PRKDC: variants seen among roughly 807,000 people sequenced by gnomAD.
PRKDC encodes protein kinase, DNA-activated, catalytic subunit, also known as DNA-dependent protein kinase catalytic subunit.
A neutral mutation model predicts 486.9 loss-of-function variants in PRKDC; 82 were observed. The observed-to-expected ratio is 0.17, with a 90% CI of 0.14 to 0.20. PRKDC has a LOEUF of 0.20. PRKDC is among the 10% of genes least tolerant of loss of function. PRKDC has a pLI of 1.00. For synonymous variants in PRKDC, 1,895 were observed against 1,837.0 expected (o/e 1.03, Z -0.81); for missense variants, 4,504 against 5,038.2 (o/e 0.89, Z 3.21).
At chr8:47,942,896 G>A (rs922401173) in intron 10 of PRKDC, among the ~76,000 whole-genome samples, 1 of 152,110 alleles carries the variant, frequency 6.6e-6, no homozygotes, top group South Asian at 2.1e-4. Flanking sequence ...AGGAGAGATG[G>A]GGCTCCCCTC....
chr8:47,866,332 T>C (rs1290815619), intron 40 of PRKDC, among the ~76,000 whole-genome samples: 1 of 152,110 alleles, frequency 6.6e-6, no homozygotes, highest in African/African-American at 2.4e-5. Context: ...AGAAATACTT[T>C]TCTGTTGTTT....
chr8:47,882,034 G>T lies in PRKDC; in HGVS notation c.4840C>A (p.Gln1614Lys). 1 of 1,613,950 alleles carries T rather than the reference G, an allele frequency of 6.2e-7. No individual in the cohort carries two copies. The change falls in exon 37 of 86, where the codon CAA becomes AAA. Residue 1614 changes from glutamine to lysine, a missense_variant. By Grantham distance (53) the Gln-to-Lys change is moderately conservative (BLOSUM62 1). This residue lies in a region of PRKDC where 1,969 missense variants were observed against 2,068.9 expected (regional missense o/e 0.95). Transcript: ENST00000314191. ...ATTGTAGTCGCAAGTTTCAGTCCTT[G>T]GTGTTTCTGGTTTGCTCGCTCCCTG... is the stretch of plus-strand genomic sequence containing the variant. ...SFRERANQKH[Q>K]GLKLATTILQ...
rs1425336130 is a variant in PRKDC at position 47,794,471 on chromosome 8, T to G, written c.10489A>C (p.Ser3497Arg). 1.2e-6 allele frequency: 2 copies of G among 1,613,078 alleles called. No individual in the cohort carries two copies. Among genetic ancestry groups the G allele is most frequent in the Admixed American group, 1.7e-5 (1 of 60,010 alleles). The part of the protein sequence containing the change: ...ISSVPCWQFI[S>R]WISHMVALLD... ...AAGGCCACCATGTGGCTGATCCAGC[T>G]GATGAACTGCCAGCAGGGAACGGAA... The change falls in exon 74 of 86, where the codon AGC becomes CGC. Residue 3497 changes from serine to arginine, a missense_variant. Physicochemically the swap from Ser to Arg is moderately radical, Grantham distance 110. This residue lies in a region of PRKDC where 706 missense variants were observed against 945.0 expected (regional missense o/e 0.75). Transcript: ENST00000314191.
At chr8:47,780,499 GACAGA>G (rs2086681269) in intron 80 of PRKDC, among the ~76,000 whole-genome samples, 1 of 152,196 alleles carries the variant, frequency 6.6e-6, no homozygotes. Flanking sequence ...AAAATCTAAA[GACAGA>G]ACAGTTTCAC....
rs532240248 is a variant in PRKDC at position 47,896,457 on chromosome 8, C to G, written c.3598+704G>C. Among the ~76,000 whole-genome samples, 258 of 152,200 alleles carry G rather than the reference C, an allele frequency of 1.7e-3. 1 individual carries two copies. Among genetic ancestry groups the G allele is most frequent in the African/African-American group, 5.9e-3 (244 of 41,544 alleles). ...GGTCAGCAGATAGAGACCATCCTGG[C>G]TAACACGGTGAAACCCCGTCTCTAC... is the stretch of plus-strand genomic sequence containing the variant. On this transcript the variant is annotated intron_variant, in intron 30 of 85. Coordinates refer to ENST00000314191, the MANE Select transcript of PRKDC (RefSeq NM_006904.7).
At chr8:47,909,574 G>C (rs576840109) in intron 25 of PRKDC, among the ~76,000 whole-genome samples, 1 of 152,302 alleles carries the variant, frequency 6.6e-6, no homozygotes, top group Admixed American at 6.5e-5. Context: ...ATAACCATAA[G>C]GTCTGACTGC....
chr8:47,908,124 T>G (rs915110452), intron 25 of PRKDC, among the ~76,000 whole-genome samples: 5 of 152,232 alleles, frequency 3.3e-5, no homozygotes, highest in Admixed American at 6.5e-5. Context: ...CAGAGCACTG[T>G]GCCTGTGTCG....
At chr8:47,841,716 C>G (rs182111491) in intron 54 of PRKDC, among the ~76,000 whole-genome samples, 1 of 152,334 alleles carries the variant, frequency 6.6e-6, no homozygotes, top group East Asian at 1.9e-4. Context: ...AAGTCCCCTT[C>G]CACAAGGCTG....
chr8:47,797,273 A>G (rs2087002622), intron 73 of PRKDC, among the ~76,000 whole-genome samples: 1 of 152,234 alleles, frequency 6.6e-6, no homozygotes. Context: ...TGCTGTTTTT[A>G]TCATGTATAA....
chr8:47,876,388 G>A (rs1341386466), intron 40 of PRKDC, among the ~76,000 whole-genome samples: 1 of 152,050 alleles, frequency 6.6e-6, no homozygotes, highest in African/African-American at 2.4e-5. Flanking sequence ...GGGGCCAGGC[G>A]GGATGGCTCA....
At chr8:47,866,749 A>G (rs1454231020) in intron 40 of PRKDC, among the ~76,000 whole-genome samples, 2 of 152,194 alleles carry the variant, frequency 1.3e-5, no homozygotes, top group Non-Finnish European at 2.9e-5. Context: ...GAATGCAAAT[A>G]ATACAGCCCC....
At chr8:47,787,093 G>A (rs2086804300) in intron 76 of PRKDC, among the ~76,000 whole-genome samples, 2 of 151,992 alleles carry the variant, frequency 1.3e-5, no homozygotes, top group Non-Finnish European at 2.9e-5. Context: ...TTATCTCTTT[G>A]CATTAGCTTC....
Position 47,935,714 on chromosome 8 carries a change from A to T in PRKDC, c.1447+18T>A. 1 of 1,610,504 alleles carries T rather than the reference A, an allele frequency of 6.2e-7. No individual in the cohort carries two copies. The highest frequency in any genetic ancestry group is 8.5e-7 in the Non-Finnish European group (1 of 1,177,692). On this transcript the variant is annotated intron_variant, in intron 13 of 85. Coordinates refer to ENST00000314191, the MANE Select transcript of PRKDC (RefSeq NM_006904.7). ...ATTATCCATCATTACTCATAAATAC[A>T]ATAAATTGCAAACTTACCCACAGTA...
rs2086708478 is a variant in PRKDC, at chr8:47,782,101, T to C, written c.11489+61A>G. 2.0e-6 allele frequency: 3 copies of C among 1,488,842 alleles called. No individual in the cohort carries two copies. Among genetic ancestry groups the C allele is most frequent in the African/African-American group, 1.4e-5 (1 of 72,156 alleles). The allele number at this position is 1,488,842 out of a possible 1,614,324, so 92.2% of individuals were successfully genotyped here. On this transcript the variant is annotated intron_variant, in intron 80 of 85. Coordinates refer to ENST00000314191, the MANE Select transcript of PRKDC (RefSeq NM_006904.7). This position sits in a 1 kb window ranked among gnomAD's most constrained non-coding sequence, Gnocchi z 4.9. ...GAGCGCGCCTGTCACGGCCCCGACCTGCCACTGGAGAAGTGAGGGGAGGCG... is the reference window on the plus strand; with the variant it reads ...GAGCGCGCCTGTCACGGCCCCGACCCGCCACTGGAGAAGTGAGGGGAGGCG...
At chr8:47,902,370 T>C (rs887677407) in intron 27 of PRKDC, among the ~76,000 whole-genome samples, 199 bp downstream of exon 27, 1 of 152,220 alleles carries the variant, frequency 6.6e-6, no homozygotes, top group African/African-American at 2.4e-5. Context: ...AGTGTTTACA[T>C]GCATTTCTCA....
chr8:47,792,261 T>C (rs940980628), intron 74 of PRKDC, among the ~76,000 whole-genome samples: 1 of 151,432 alleles, frequency 6.6e-6, no homozygotes, highest in Non-Finnish European at 1.5e-5. Flanking sequence ...AAAATTTTTT[T>C]TTTTTTTTTT....
Position 47,877,780 on chromosome 8 carries a change from T to C in PRKDC, c.5307A>G (p.Glu1769=). The C allele has an allele frequency of 6.3e-7, 1 of 1,599,926 alleles. No individual in the cohort carries two copies. The highest frequency in any genetic ancestry group is 8.5e-7 in the Non-Finnish European group (1 of 1,172,332). The change falls in exon 40 of 86, where the codon GAA becomes GAG. Residue 1769 remains glutamate (E), a synonymous_variant. Coordinates refer to ENST00000314191, the MANE Select transcript of PRKDC (RefSeq NM_006904.7). ...ATAATTCTTCCATGACATGCTGCTG[T>C]TCCCGACAAAGAACTTCTGTCATCA... ...LELMTEVLCR[E]QQHVMEELFQ... is the part of the protein sequence containing the mutation.
intron 62 of PRKDC, among the ~76,000 whole-genome samples, chr8:47,827,720 A>G (rs1199932958): frequency 1.3e-5 from 2 of 152,198 alleles, no homozygotes; most frequent in Non-Finnish European, 2.9e-5. Flanking sequence ...CCTATTACCC[A>G]TCTATTAATG....
At position 47,957,279 on chromosome 8, in the gene PRKDC, T is replaced by A; in HGVS notation, c.232-16A>T. Reference sequence around the variant, plus strand: ...ATTCACGAAACTGTAATGAAAGAGATACATATTGTAAATATGGGTAAGAGG... The same window carrying A: ...ATTCACGAAACTGTAATGAAAGAGAAACATATTGTAAATATGGGTAAGAGG... On this transcript the variant is annotated splice_polypyrimidine_tract_variant and intron_variant, in intron 2 of 85. Coordinates refer to ENST00000314191, the MANE Select transcript of PRKDC (RefSeq NM_006904.7). 1 of 1,581,664 alleles carries A rather than the reference T, an allele frequency of 6.3e-7. No homozygotes were observed. The highest frequency in any genetic ancestry group is 8.7e-7 in the Non-Finnish European group (1 of 1,153,980).
Sources: gnomAD v4.1 joint callset for allele counts (sites outside exome capture counted in the v4.1 genomes callset) on GRCh38, gnomAD v4.1.1 for gene constraint, gnomAD v4.1.1 regional missense constraint, Gnocchi (gnomAD v3.1) non-coding constraint, MANE v1.5 for transcripts, NCBI Gene and HGNC (gene_info 2026-07-23, HGNC 2026-07-21) for gene names.